Variants in TP53AIP1 observed in about 807,000 individuals in gnomAD.
TP53AIP1 encodes p53-regulated apoptosis-inducing protein 1.
In TP53AIP1, 14 loss-of-function variants were observed where a neutral mutation model predicts 9.5. The observed-to-expected ratio is 1.47, with a 90% CI of 0.97 to 2.30. The LOEUF (loss-of-function observed/expected upper bound fraction) is 2.30, where lower values mean the gene tolerates loss of function less well. TP53AIP1 is among the 30% of genes most tolerant of loss of function. The pLI is 0.00. For synonymous variants in TP53AIP1, 73 were observed against 61.2 expected, an observed-to-expected ratio of 1.19 and a Z score of -0.90; for missense variants, 153 against 146.7, an observed-to-expected ratio of 1.04 and a Z score of -0.22.
chr11:128,938,515 C>T (rs754471896), intron 1 of TP53AIP1, among the ~76,000 whole-genome samples: 11 of 152,198 alleles, frequency 7.2e-5, no homozygotes, highest in Non-Finnish European at 1.5e-4. Context: ...CCCAGGGAAG[C>T]TGGTGCCCTC....
At chr11:128,935,354 G>A, downstream of TP53AIP1, 1 of 1,414,908 alleles carries the variant, frequency 7.1e-7, no homozygotes. Context: ...AGATTGGAAT[G>A]CAAACTTCAC....
In TP53AIP1 at chr11:128,936,881, CA is replaced by C. The variant is rs1402726617; in HGVS notation, c.142-233del. On this transcript the variant is annotated intron_variant, in intron 2 of 3. Coordinates refer to ENST00000531399, the MANE Select transcript of TP53AIP1 (RefSeq NM_022112.3). The stretch of plus-strand genomic sequence containing the variant: ...ACATTAGAGACAAAGACAGAGACAG[CA>C]AATCAGCCCAAAGAACAGACATAAA... The C allele has an allele frequency of 1.8e-5, 24 of 1,332,688 alleles. No homozygotes were observed. The African/African-American group carries it at 3.0e-4, about 16-fold the overall frequency. The allele number at this position is 1,332,688 out of a possible 1,614,324, so 82.6% of individuals were successfully genotyped here.
Position 128,939,886 on chromosome 11 carries a change from G to C in TP53AIP1, c.-76-1992C>G, listed in dbSNP as rs1317397735. Among the ~76,000 whole-genome samples the C allele has an allele frequency of 6.6e-6, 1 of 152,228 alleles. No homozygotes were observed. The highest frequency in any genetic ancestry group is 1.9e-4 in the East Asian group (1 of 5,198). ...TTTCCTTCTATTTCCTGTTTGAAAA[G>C]TGAAGCGTTAACACGAAGGAGGGTC... On this transcript the variant is annotated intron_variant, in intron 1 of 3. Transcript: ENST00000531399. The surrounding 1 kb of genome is among the most constrained non-coding windows in gnomAD (Gnocchi z 4.1).
At chr11:128,942,431 G>T (rs1359432156) in intron 1 of TP53AIP1, among the ~76,000 whole-genome samples, 2 of 152,226 alleles carry the variant, frequency 1.3e-5, no homozygotes, top group African/African-American at 2.4e-5. Flanking sequence ...AGCTGTGCGA[G>T]CTTGCGCAGT....
Position 128,935,512 on chromosome 11 carries a change from C to G in TP53AIP1, c.*79G>C. ...TGGAGCCATTTCTCGACGGTGCTTT[C>G]TGTTTGTTTGTTTGTTTTTGTTTTG... On this transcript the variant is annotated 3_prime_UTR_variant, in exon 4 of 4. Coordinates refer to ENST00000531399, the MANE Select transcript of TP53AIP1 (RefSeq NM_022112.3). 6.7e-7 allele frequency: 1 copy of G among 1,497,288 alleles called. No homozygotes were observed. The highest frequency in any genetic ancestry group is 8.9e-7 in the Non-Finnish European group (1 of 1,129,112). 92.8% of individuals were successfully genotyped at this position (1,497,288 alleles called of 1,614,324 possible).
Position 128,939,672 on chromosome 11 carries a change from C to A in TP53AIP1, c.-76-1778G>T, listed in dbSNP as rs368247749. 6.0e-4 allele frequency among the ~76,000 whole-genome samples: 91 copies of A among 152,306 alleles called. 1 individual carries two copies. In the South Asian group the frequency reaches 0.018, roughly 31 times the overall value. ...AAACTGTCGGATTCTCTAAGAGGTC[C>A]GTCACAACCCATCTTAATGCAAGAG... On this transcript the variant is annotated intron_variant, in intron 1 of 3. Transcript: ENST00000531399. The surrounding 1 kb of genome is among the most constrained non-coding windows in gnomAD (Gnocchi z 4.1).
At chr11:128,935,076 A>G (rs541263778), downstream of TP53AIP1, 2 of 704,936 alleles carry the variant, frequency 2.8e-6, no homozygotes, top group East Asian at 2.7e-5. Context: ...CAAGCTATCA[A>G]TGCCGGGGCT....
At chr11:128,935,100 T>C, downstream of TP53AIP1, 1 of 707,988 alleles carries the variant, frequency 1.4e-6, no homozygotes, top group Non-Finnish European at 2.6e-6. Flanking sequence ...GGTAGGAACG[T>C]GTCAGCAGGA....
At chr11:128,942,121 CAAAT>C (rs1944957777) in intron 1 of TP53AIP1, among the ~76,000 whole-genome samples, 1 of 152,166 alleles carries the variant, frequency 6.6e-6, no homozygotes. Context: ...AAGGAACTAA[CAAAT>C]AAACCTCCCA....
Position 128,937,897 on chromosome 11 carries a change from A to G in TP53AIP1, c.-76-3T>C. On this transcript the variant is annotated splice_polypyrimidine_tract_variant and splice_region_variant and intron_variant, in intron 1 of 3. Coordinates refer to ENST00000531399, the MANE Select transcript of TP53AIP1 (RefSeq NM_022112.3). This position sits in a 1 kb window ranked among gnomAD's most constrained non-coding sequence, Gnocchi z 4.8. The stretch of plus-strand genomic sequence containing the variant: ...TGTTAGGGCCAGTCCCTAAGGGACT[A>G]AAAACAAACAAAACAGGCTATGAAC... 7.0e-7 allele frequency: 1 copy of G among 1,422,146 alleles called. No homozygotes were observed. The highest frequency in any genetic ancestry group is 9.4e-7 in the Non-Finnish European group (1 of 1,059,982). The allele number at this position is 1,422,146 out of a possible 1,614,324, so 88.1% of individuals were successfully genotyped here.
chr11:128,935,916 C>CA (rs767049185), intron 3 of TP53AIP1: 479 of 1,295,728 alleles, frequency 3.7e-4, no homozygotes, highest in Non-Finnish European at 4.1e-4. Flanking sequence ...TCAAATGGGC[C>CA]AACAAAAATG....
In TP53AIP1 at chr11:128,937,872, T is replaced by A; in HGVS notation, c.-54A>T. On this transcript the variant is annotated 5_prime_UTR_variant, in exon 2 of 4. Transcript: ENST00000531399. The surrounding 1 kb of genome is among the most constrained non-coding windows in gnomAD (Gnocchi z 4.8). The stretch of plus-strand genomic sequence containing the variant: ...GAGAACTTGGCTTCTCCTCATTTGT[T>A]GTTAGGGCCAGTCCCTAAGGGACTA... The A allele has an allele frequency of 1.9e-6, 3 of 1,550,106 alleles. No individual in the cohort carries two copies. The highest frequency in any genetic ancestry group is 2.6e-6 in the Non-Finnish European group (3 of 1,149,320).
At position 128,935,736 on chromosome 11, in the gene TP53AIP1, AC is replaced by A. The variant is rs1944809533; in HGVS notation, c.254-25del. ...GCCTCAGTAGGGAGGGAGAGAATTTACTCTTTGCAAAACGTATGGAGTCCTT... is the reference window on the plus strand; with the variant it reads ...GCCTCAGTAGGGAGGGAGAGAATTTATCTTTGCAAAACGTATGGAGTCCTT... On this transcript the variant is annotated intron_variant, in intron 3 of 3. Transcript: ENST00000531399. 4.6e-6 allele frequency: 7 copies of A among 1,532,862 alleles called. No individual in the cohort carries two copies. In the East Asian group the frequency reaches 1.7e-4, roughly 37 times the overall value. The allele number at this position is 1,532,862 out of a possible 1,614,324, so 95.0% of individuals were successfully genotyped here. A position where few individuals can be genotyped will look rare whatever the true frequency, so the allele number is the denominator to read the frequency against.
intron 2 of TP53AIP1, chr11:128,936,986 G>A (rs1944837464): frequency 1.8e-6 from 2 of 1,095,004 alleles, no homozygotes; most frequent in South Asian, 6.4e-5. Flanking sequence ...CTCAGACGCT[G>A]CGTGTGAGCT....
chr11:128,935,687 A>C lies in TP53AIP1; in HGVS notation c.279T>G (p.Pro93=). The C allele has an allele frequency of 6.3e-7, 1 of 1,582,452 alleles. No individual in the cohort carries two copies. The highest frequency in any genetic ancestry group is 8.5e-7 in the Non-Finnish European group (1 of 1,171,888). Residue 93 remains proline, a synonymous_variant, in exon 4 of 4, where the codon CCT becomes CCG. Transcript: ENST00000531399. The part of the protein sequence containing the change: ...LTGLGLGLSR[P]FLPGATVLRD... ...TAAGCACTGTGGCTCCAGGAAGGAA[A>C]GGCCTGGAGAGACCTAGACCAAGGC...
chr11:128,935,075 A>G (rs975687245), downstream of TP53AIP1: 12 of 704,736 alleles, frequency 1.7e-5, no homozygotes, highest in Non-Finnish European at 2.8e-5. Context: ...CCAAGCTATC[A>G]ATGCCGGGGC....
chr11:128,938,375 G>T (rs1010254269), intron 1 of TP53AIP1, among the ~76,000 whole-genome samples: 1 of 152,124 alleles, frequency 6.6e-6, no homozygotes, highest in African/African-American at 2.4e-5. Context: ...CATCCGTGTG[G>T]AGTCAGACGG....
At chr11:128,936,418 T>C in intron 3 of TP53AIP1, 120 bp downstream of exon 3, 1 of 1,416,062 alleles carries the variant, frequency 7.1e-7, no homozygotes, top group Non-Finnish European at 9.2e-7. Flanking sequence ...ATGGCAAATT[T>C]CAGGAGAGGG....
chr11:128,938,214 C>CG (rs1295677017), intron 1 of TP53AIP1, among the ~76,000 whole-genome samples: 2 of 152,168 alleles, frequency 1.3e-5, no homozygotes, highest in African/African-American at 4.8e-5. Flanking sequence ...TCTGTGTCCA[C>CG]GGTTGTAAGG....
Sources: allele counts gnomAD v4.1 joint callset (sites outside exome capture counted in the v4.1 genomes callset), GRCh38; gene constraint gnomAD v4.1.1; non-coding constraint Gnocchi (gnomAD v3.1); transcripts MANE v1.5; gene names NCBI Gene and HGNC (gene_info 2026-07-23, HGNC 2026-07-21).